Variants in ACRV1 observed in about 807,000 individuals in gnomAD.
ACRV1 encodes acrosomal vesicle protein 1, also known as acrosomal protein SP-10.
Under a neutral mutation model 29.2 loss-of-function variants are expected in ACRV1, and 17 were observed. The ratio of observed to expected loss-of-function variants is 0.58; its 90% CI spans 0.40 to 0.87. The LOEUF is 0.87. ACRV1 is among the 40% of genes least tolerant of loss of function. The pLI, the probability that ACRV1 is intolerant of heterozygous loss-of-function variation, is 0.00. For missense variants in ACRV1, 294 were observed against 316.0 expected, an observed-to-expected ratio of 0.93 and a Z score of 0.53; for synonymous variants, 98 against 111.6, an observed-to-expected ratio of 0.88 and a Z score of 0.77.
intron 1 of ACRV1, among the ~76,000 whole-genome samples, chr11:125,678,978 T>TATA (rs1555078666): frequency 4.5e-5 from 4 of 88,426 alleles, no homozygotes; most frequent in Admixed American, 1.4e-4. Context: ...TCTAGGCATA[T>TATA]TATATATATA....
intron 2 of ACRV1, 101 bp downstream of exon 2, chr11:125,677,696 A>G (rs1302838467): frequency 2.7e-6 from 4 of 1,486,728 alleles, no homozygotes; most frequent in South Asian, 2.6e-5. Flanking sequence ...AGTGTTAACA[A>G]TTCTTTCTTC....
intron 1 of ACRV1, 130 bp downstream of exon 1, chr11:125,680,599 G>C: frequency 2.5e-6 from 2 of 802,336 alleles, no homozygotes; most frequent in Non-Finnish European, 4.1e-6. Flanking sequence ...AGTTGGACTT[G>C]TTTAGCTGCT....
Position 125,679,461 on chromosome 11 carries a change from G to A in ACRV1, c.53-1164C>T, listed in dbSNP as rs373064053. Among the ~76,000 whole-genome samples the A allele has an allele frequency of 1.8e-4, 28 of 151,912 alleles. No homozygotes were observed. The East Asian group carries it at 4.7e-3, about 25-fold the overall frequency. ...TTGAACTCCTGACCTCAAGTGATCC[G>A]CCCGCCTCAGCCTCCCAAAATGCTG... On this transcript the variant is annotated intron_variant, in intron 1 of 3. Transcript: ENST00000533904.
intron 2 of ACRV1, among the ~76,000 whole-genome samples, chr11:125,677,259 C>T (rs1775599201): frequency 6.6e-6 from 1 of 152,196 alleles, no homozygotes; most frequent in South Asian, 2.1e-4. Context: ...TGTTTTCTTT[C>T]CCAGAACAAA....
intron 3 of ACRV1, among the ~76,000 whole-genome samples, chr11:125,674,563 T>C (rs764444346): frequency 4.9e-4 from 75 of 152,204 alleles, no homozygotes; most frequent in Non-Finnish European, 9.8e-4. Context: ...AATAAGTCTT[T>C]CCATCAGTCA....
chr11:125,673,621 C>G (rs1268156003), intron 3 of ACRV1, among the ~76,000 whole-genome samples: 1 of 152,188 alleles, frequency 6.6e-6, no homozygotes, highest in Non-Finnish European at 1.5e-5. Context: ...TACCAACTAA[C>G]CGATGATCAC....
At chr11:125,673,198 CTTTCT>C (rs140314927) in intron 3 of ACRV1, among the ~76,000 whole-genome samples, 44,398 of 132,990 alleles carry the variant, frequency 0.33, 6,585 homozygotes, top group East Asian at 0.44. Context: ...GGACTACACC[CTTTCT>C]TTTCTTTTCT....
chr11:125,676,629 T>A, intron 2 of ACRV1, 151 bp from the exon 3 acceptor site: 1 of 993,420 alleles, frequency 1.0e-6, no homozygotes, highest in Non-Finnish European at 1.5e-6. Context: ...CTGTGTCTGA[T>A]AGACCTGTGC....
At chr11:125,677,567 T>G (rs1661775238) in intron 2 of ACRV1, among the ~76,000 whole-genome samples, 1 of 152,178 alleles carries the variant, frequency 6.6e-6, no homozygotes, top group Non-Finnish European at 1.5e-5. Context: ...ACTGGCATTT[T>G]GTATTTGTTT....
At position 125,676,011 on chromosome 11, in the gene ACRV1, G is replaced by A. The variant is rs192805943; in HGVS notation, c.673+348C>T. ...CAACCTCCGTCTCCTGGGTTCAAGC[G>A]ATTCTCCTGCCTCAGCCTTCCAAGT... is the stretch of plus-strand genomic sequence containing the variant. On this transcript the variant is annotated intron_variant, in intron 3 of 3. Coordinates refer to ENST00000533904, the MANE Select transcript of ACRV1 (RefSeq NM_001612.6). 94 of 189,568 alleles carry A rather than the reference G, an allele frequency of 5.0e-4. No homozygotes were observed. The South Asian group carries it at 8.7e-3, about 18-fold the overall frequency. 11.7% of individuals were successfully genotyped at this position (189,568 alleles called of 1,614,324 possible).
At chr11:125,675,175 G>T (rs769128996) in intron 3 of ACRV1, among the ~76,000 whole-genome samples, 1 of 152,172 alleles carries the variant, frequency 6.6e-6, no homozygotes, top group African/African-American at 2.4e-5. Context: ...TGATTGTAAT[G>T]TACAAACAAG....
intron 1 of ACRV1, among the ~76,000 whole-genome samples, chr11:125,678,976 TATTATA>T (rs1055513302): frequency 3.8e-4 from 7 of 18,496 alleles, no homozygotes; most frequent in South Asian, 3.6e-3. Context: ...AGTCTAGGCA[TATTATA>T]TATATATATA....
intron 1 of ACRV1, among the ~76,000 whole-genome samples, chr11:125,679,219 T>TTTTTTTTTTC (rs1942680677): frequency 7.1e-6 from 1 of 141,328 alleles, no homozygotes; most frequent in African/African-American, 2.6e-5. Flanking sequence ...TCTCTTTCTT[T>TTTTTTTTTTC]TTTTTTTTTT....
Position 125,676,341 on chromosome 11 carries a change from C to A in ACRV1, c.673+18G>T. 1 of 1,613,694 alleles carries A rather than the reference C, an allele frequency of 6.2e-7. No homozygotes were observed. The highest frequency in any genetic ancestry group is 1.1e-5 in the South Asian group (1 of 91,006). ...ATGTGTTCTCAGGCAGAAATTGCCT[C>A]ATGAAGTCCCCATATACCTTCAAAG... On this transcript the variant is annotated intron_variant, in intron 3 of 3. Transcript: ENST00000533904.
In ACRV1 at chr11:125,677,794, C is replaced by A. The variant is rs754933761; in HGVS notation, c.553+3G>T. 3.1e-6 allele frequency: 5 copies of A among 1,613,524 alleles called. No homozygotes were observed. The South Asian group carries it at 5.5e-5, about 18-fold the overall frequency. On this transcript the variant is annotated splice_donor_region_variant and intron_variant, in intron 2 of 3. Coordinates refer to ENST00000533904, the MANE Select transcript of ACRV1 (RefSeq NM_001612.6). Reference sequence around the variant, plus strand: ...GACTGGCACCCATCCAAACATGGCTCACCTGTAGATGTGCTTGAAATTGGT... The same window carrying A: ...GACTGGCACCCATCCAAACATGGCTAACCTGTAGATGTGCTTGAAATTGGT...
intron 2 of ACRV1, 103 bp downstream of exon 2, chr11:125,677,691 TAAC>T: frequency 6.9e-7 from 1 of 1,455,908 alleles, no homozygotes. Flanking sequence ...TGTGAAGTGT[TAAC>T]AATTCTTTCT....
chr11:125,676,606 G>T, intron 2 of ACRV1, 128 bp from the exon 3 acceptor site: 2 of 1,188,404 alleles, frequency 1.7e-6, no homozygotes, highest in East Asian at 2.4e-5. Context: ...AGTTCTTTTT[G>T]GGGATCTGGG....
intron 1 of ACRV1, among the ~76,000 whole-genome samples, chr11:125,680,503 A>G (rs1426009179): frequency 6.6e-6 from 1 of 152,166 alleles, no homozygotes; most frequent in Non-Finnish European, 1.5e-5. Flanking sequence ...GGCTAAAATA[A>G]GTAGAAACCA....
At position 125,678,310 on chromosome 11, in the gene ACRV1, A is replaced by G. The variant is rs748134498; in HGVS notation, c.53-13T>C. 45 of 1,611,022 alleles carry G rather than the reference A, an allele frequency of 2.8e-5. No individual in the cohort carries two copies. The highest frequency in any genetic ancestry group is 3.8e-5 in the Non-Finnish European group (45 of 1,178,688). Reference sequence around the variant, plus strand: ...TGACTTGATGTTCCTGGGATGGAGAAGGAACAGAAGAGAGTTGGTGAAGCT... The same window carrying G: ...TGACTTGATGTTCCTGGGATGGAGAGGGAACAGAAGAGAGTTGGTGAAGCT... On this transcript the variant is annotated splice_polypyrimidine_tract_variant and intron_variant, in intron 1 of 3. Transcript: ENST00000533904.
Sources: allele counts gnomAD v4.1 joint callset (sites outside exome capture counted in the v4.1 genomes callset), GRCh38; gene constraint gnomAD v4.1.1; transcripts MANE v1.5; gene names NCBI Gene and HGNC (gene_info 2026-07-23, HGNC 2026-07-21).